Variants in KLHL17 observed in about 807,000 individuals in gnomAD.
The protein encoded by KLHL17 is kelch-like protein 17.
KLHL17 carries 71 observed loss-of-function variants against 64.6 expected under a neutral mutation model. The observed-to-expected ratio is 1.10, with a 90% CI of 0.91 to 1.34. The LOEUF (loss-of-function observed/expected upper bound fraction) is 1.34. KLHL17 is among the 40% of genes most tolerant of loss of function. KLHL17 has a pLI of 0.00. For missense variants in KLHL17, 1,140 were observed against 935.0 expected (o/e 1.22, Z -2.86); for synonymous variants, 612 against 405.4 (o/e 1.51, Z -6.12).
rs940292057 is a variant in KLHL17 at position 964,893 on chromosome 1, C to A, written c.1701-70C>A. ...CAGCGAGCATGTCCCGCCACCACCC[C>A]TTTTTGTGGTGCAGCCCCTCCCCCC... On this transcript the variant is annotated intron_variant, in intron 11 of 11. Transcript: ENST00000338591. The A allele has an allele frequency of 2.5e-6, 3 of 1,202,338 alleles. 1 individual carries two copies. The East Asian group carries it at 7.7e-5, about 31-fold the overall frequency. The allele number at this position is 1,202,338 out of a possible 1,614,324, so 74.5% of individuals were successfully genotyped here. A position where few individuals can be genotyped will look rare whatever the true frequency, so the allele number is the denominator to read the frequency against.
chr1:963,572 C>T, intron 8 of KLHL17, 68 bp downstream of exon 8: 1 of 1,508,888 alleles, frequency 6.6e-7, no homozygotes, highest in Non-Finnish European at 8.9e-7. Context: ...GTGTCACCAT[C>T]ACAGGGGTCG....
chr1:962,340 G>T lies in KLHL17; in HGVS notation c.712-15G>T. ...ACCCTCCCCAGATCTCAGGTCTGAGGACCCCCACTCCCAGGTTCTGGAACT... is the reference window on the plus strand; with the variant it reads ...ACCCTCCCCAGATCTCAGGTCTGAGTACCCCCACTCCCAGGTTCTGGAACT... On this transcript the variant is annotated splice_polypyrimidine_tract_variant and intron_variant, in intron 4 of 11. Transcript: ENST00000338591. The T allele has an allele frequency of 6.2e-7, 1 of 1,612,320 alleles. No individual in the cohort carries two copies. The highest frequency in any genetic ancestry group is 8.5e-7 in the Non-Finnish European group (1 of 1,179,760).
rs764760295 is a variant in KLHL17 at position 961,978 on chromosome 1, C to T, written c.642C>T (p.His214=). ...HSCSDLLKAA[H]RYVLQHFVDV... ...GCAGCGACCTGCTCAAGGCCGCCCA[C>T]AGGTACGTGCTGCAGCACTTCGTGG... The change falls in exon 4 of 12, where the codon CAC becomes CAT. Residue 214 remains histidine, a synonymous_variant. Transcript: ENST00000338591. 5 of 1,612,834 alleles carry T rather than the reference C, an allele frequency of 3.1e-6. No individual in the cohort carries two copies. In the East Asian group the frequency reaches 1.1e-4, roughly 36 times the overall value.
Position 964,376 on chromosome 1 carries a change from A to G in KLHL17, c.1546A>G (p.Met516Val). 6.4e-7 allele frequency: 1 copy of G among 1,557,290 alleles called. No homozygotes were observed. Among genetic ancestry groups the G allele is most frequent in the Non-Finnish European group, 8.7e-7 (1 of 1,152,176 alleles). The change falls in exon 11 of 12, where the codon ATG (methionine) becomes GTG (valine). Residue 516 changes from methionine (M) to valine (V), a missense_variant. Met to Val is a conservative substitution (Grantham distance 21). Transcript: ENST00000338591. ...QVNVWSPVAS[M>V]LSRRSSAGVA... The stretch of plus-strand genomic sequence containing the variant: ...GAACGTGTGGTCGCCCGTGGCGTCC[A>G]TGCTGAGCCGACGCAGCTCAGCGGG...
Position 962,287 on chromosome 1 carries a change from C to T in KLHL17, c.712-68C>T, listed in dbSNP as rs754342210. On this transcript the variant is annotated intron_variant, in intron 4 of 11. Coordinates refer to ENST00000338591, the MANE Select transcript of KLHL17 (RefSeq NM_198317.3). ...CCACCTGCTAACCCTCCCTCCTAGGCATCTTCAGGGCTCCCTGGGTCCACA... is the reference window on the plus strand; with the variant it reads ...CCACCTGCTAACCCTCCCTCCTAGGTATCTTCAGGGCTCCCTGGGTCCACA... 33 of 1,607,228 alleles carry T rather than the reference C, an allele frequency of 2.1e-5. No homozygotes were observed. The South Asian group carries it at 2.3e-4, about 11-fold the overall frequency.
intron 1 of KLHL17, among the ~76,000 whole-genome samples, chr1:961,078 C>T (rs1361420591): frequency 6.6e-6 from 1 of 151,106 alleles, no homozygotes; most frequent in Admixed American, 6.6e-5. Context: ...GCTCTGTTCG[C>T]GGCTCTGACT....
intron 6 of KLHL17, 91 bp from the exon 7 acceptor site, chr1:963,018 G>A (rs1268193414): frequency 1.8e-5 from 28 of 1,542,270 alleles, no homozygotes; most frequent in South Asian, 5.9e-5. Context: ...CTGCCCCTCC[G>A]CCCCTCCATT....
In KLHL17 at chr1:963,116, G is replaced by C; in HGVS notation, c.1050G>C (p.Gly350=). The C allele has an allele frequency of 6.2e-7, 1 of 1,611,800 alleles. No individual in the cohort carries two copies. Residue 350 remains glycine (G), a synonymous_variant, in exon 7 of 12, where the codon GGG becomes GGC. Transcript: ENST00000338591. ...TCCACCTGCCCTCCCCAGGCGGCGG[G>C]AGCCTGTTTGCCATCCACGGAGACT... The part of the protein sequence containing the change: ...AGPVLFAVGG[G]SLFAIHGDCE...
chr1:964,814 G>A (rs868833499), intron 11 of KLHL17, 149 bp from the exon 12 acceptor site: 2 of 631,514 alleles, frequency 3.2e-6, no homozygotes, highest in African/African-American at 3.8e-5. Context: ...CTGCCGGGAG[G>A]GGGGCGCGGG....
chr1:961,690 G>A lies in KLHL17; in HGVS notation c.429G>A (p.Leu143=), dbSNP rs750610986. 2.2e-5 allele frequency: 35 copies of A among 1,612,336 alleles called. No individual in the cohort carries two copies. In the South Asian group the frequency reaches 2.6e-4, roughly 12 times the overall value. The change falls in exon 3 of 12, where the codon TTG becomes TTA. Residue 143 remains leucine, a synonymous_variant. Transcript: ENST00000338591. ...TGCACGACATCGACCCTCAGGCCTT[G>A]GACCAGCTGGTGCAGTTTGCCTACA... ...VTLHDIDPQA[L]DQLVQFAYTA... is the part of the protein sequence containing the mutation.
Position 960,812 on chromosome 1 carries a change from G to C in KLHL17, c.107+12G>C. The C allele has an allele frequency of 9.9e-7, 1 of 1,011,496 alleles. No homozygotes were observed. Among genetic ancestry groups the C allele is most frequent in the Non-Finnish European group, 1.2e-6 (1 of 846,322 alleles). 62.7% of individuals were successfully genotyped at this position (1,011,496 alleles called of 1,614,324 possible). A position where few individuals can be genotyped will look rare whatever the true frequency, so the allele number is the denominator to read the frequency against. On this transcript the variant is annotated intron_variant, in intron 1 of 11. Coordinates refer to ENST00000338591, the MANE Select transcript of KLHL17 (RefSeq NM_198317.3). ...CCGCAGCCGCCGGCGTGAGTGGGCG[G>C]GGGTCGGGGCGCGGGGGGCGGCCTC...
rs781197470 is a variant in KLHL17, at chr1:964,489, G to A, written c.1659G>A (p.Lys553=). The part of the protein sequence containing the change: ...CLNSVERYSP[K]AGAWESVAPM... The stretch of plus-strand genomic sequence containing the variant: ...ACTCGGTAGAGAGATACAGTCCAAA[G>A]GCTGGAGCCTGGGAAAGCGTGGCGC... Residue 553 remains lysine (K), a synonymous_variant, in exon 11 of 12, where the codon AAG becomes AAA. Coordinates refer to ENST00000338591, the MANE Select transcript of KLHL17 (RefSeq NM_198317.3). 10 of 1,531,592 alleles carry A rather than the reference G, an allele frequency of 6.5e-6. No homozygotes were observed. The highest frequency in any genetic ancestry group is 7.9e-6 in the Non-Finnish European group (9 of 1,136,064). 94.9% of individuals were successfully genotyped at this position (1,531,592 alleles called of 1,614,324 possible).
chr1:963,594 G>T, intron 8 of KLHL17, 90 bp downstream of exon 8: 1 of 1,420,012 alleles, frequency 7.0e-7, no homozygotes, highest in African/African-American at 1.4e-5. Context: ...ATCTGATGGG[G>T]TGTTAAAGGA....
Position 963,680 on chromosome 1 carries a change from C to T in KLHL17, c.1355+176C>T. On this transcript the variant is annotated intron_variant, in intron 8 of 11. Transcript: ENST00000338591. Reference sequence around the variant, plus strand: ...ACTCTTGGCTTTGCTGCCCCAGTGCCCTTTCCTCTCTCGGGTCCTTACCCC... The same window carrying T: ...ACTCTTGGCTTTGCTGCCCCAGTGCTCTTTCCTCTCTCGGGTCCTTACCCC... 4.6e-6 allele frequency: 4 copies of T among 868,148 alleles called. No individual in the cohort carries two copies. The South Asian group carries it at 5.3e-5, about 11-fold the overall frequency. The allele number at this position is 868,148 out of a possible 1,614,324, so 53.8% of individuals were successfully genotyped here.
rs754151550 is a variant in KLHL17 at position 962,341 on chromosome 1, A to AC, written c.712-9dup. 27 of 1,611,636 alleles carry AC rather than the reference A, an allele frequency of 1.7e-5. No homozygotes were observed. The East Asian group carries it at 5.1e-4, about 31-fold the overall frequency. Reference sequence around the variant, plus strand: ...CCCTCCCCAGATCTCAGGTCTGAGGACCCCCACTCCCAGGTTCTGGAACTG... The same window carrying AC: ...CCCTCCCCAGATCTCAGGTCTGAGGACCCCCCACTCCCAGGTTCTGGAACTG... On this transcript the variant is annotated splice_polypyrimidine_tract_variant and intron_variant, in intron 4 of 11. Coordinates refer to ENST00000338591, the MANE Select transcript of KLHL17 (RefSeq NM_198317.3).
Position 965,404 on chromosome 1 carries a change from G to A in KLHL17, c.*213G>A, listed in dbSNP as rs1020511843. The A allele has an allele frequency of 1.9e-5, 11 of 579,758 alleles. No individual in the cohort carries two copies. Among genetic ancestry groups the A allele is most frequent in the South Asian group, 1.1e-4 (5 of 45,712 alleles). The allele number at this position is 579,758 out of a possible 1,614,324, so 35.9% of individuals were successfully genotyped here. ...CACCTTTAGCGTCTGGTCCTCCTGC[G>A]TGTCCTCCCCTCCACTGCCTGCATG... is the stretch of plus-strand genomic sequence containing the variant. On this transcript the variant is annotated 3_prime_UTR_variant, in exon 12 of 12. Coordinates refer to ENST00000338591, the MANE Select transcript of KLHL17 (RefSeq NM_198317.3).
chr1:964,911 C>T, intron 11 of KLHL17, 52 bp from the exon 12 acceptor site: 1 of 1,357,436 alleles, frequency 7.4e-7, no homozygotes. Flanking sequence ...GGTGCAGCCC[C>T]TCCCCCCGCA....
In KLHL17 at chr1:964,021, G is replaced by A. The variant is rs1004359049; in HGVS notation, c.1444+13G>A. On this transcript the variant is annotated intron_variant, in intron 9 of 11. Coordinates refer to ENST00000338591, the MANE Select transcript of KLHL17 (RefSeq NM_198317.3). ...GTGGCCACGCTTGGTGGGTGATGGG[G>A]CCTGCCTGGGGGGCATCCCCACCTT... is the stretch of plus-strand genomic sequence containing the variant. The A allele has an allele frequency of 6.2e-7, 1 of 1,612,606 alleles. No homozygotes were observed. The highest frequency in any genetic ancestry group is 8.5e-7 in the Non-Finnish European group (1 of 1,179,908).
chr1:965,147 C>A lies in KLHL17; in HGVS notation c.1885C>A (p.Pro629Thr). Reference sequence around the variant, plus strand: ...GGTGCTGGAGCTGCTCAATTTCCCGCCGCCATCCTCCCCGACGCTGTCCGT... The same window carrying A: ...GGTGCTGGAGCTGCTCAATTTCCCGACGCCATCCTCCCCGACGCTGTCCGT... ...VAVLELLNFPPPSSPTLSVSS... is the reference protein window; with the variant it reads ...VAVLELLNFPTPSSPTLSVSS... The change falls in exon 12 of 12, where the codon CCG becomes ACG. Residue 629 changes from proline to threonine, a missense_variant. By Grantham distance (38) the Pro-to-Thr change is conservative. Transcript: ENST00000338591. 6.2e-7 allele frequency: 1 copy of A among 1,612,626 alleles called. No homozygotes were observed.
Sources: allele counts gnomAD v4.1 joint callset (sites outside exome capture counted in the v4.1 genomes callset), GRCh38; gene constraint gnomAD v4.1.1; transcripts MANE v1.5; gene names NCBI Gene and HGNC (gene_info 2026-07-23, HGNC 2026-07-21).